Variants in SDF4 observed in about 807,000 individuals in gnomAD.
SDF4 encodes the protein stromal cell derived factor 4.
In SDF4, 22 loss-of-function variants were observed where a neutral mutation model predicts 34.2. The observed-to-expected ratio is 0.64, with a 90% confidence interval of 0.46 to 0.92. The LOEUF is 0.92. SDF4 is among the 40% of genes least tolerant of loss of function. SDF4 has a pLI of 0.00. For synonymous variants in SDF4, 236 were observed against 203.1 expected, an observed-to-expected ratio of 1.16 and a Z score of -1.38; for missense variants, 447 against 499.9, an observed-to-expected ratio of 0.89 and a Z score of 1.01.
rs140026025 is a variant in SDF4 at position 1,218,963 on chromosome 1, C to T, written c.557-36G>A. ...CGCAGCCTGTGGGTATCGAGGCCGA[C>T]AGACGCCAGCACGCAAATCCAGAAA... On this transcript the variant is annotated intron_variant, in intron 4 of 6. Coordinates refer to ENST00000360001, the MANE Select transcript of SDF4 (RefSeq NM_016176.6). The surrounding 1 kb of genome is among the most constrained non-coding windows in gnomAD (Gnocchi z 7.9). The T allele has an allele frequency of 9.9e-6, 16 of 1,612,378 alleles. No individual in the cohort carries two copies. In the African/African-American group the frequency reaches 1.6e-4, roughly 16 times the overall value.
At chr1:1,219,084 G>A in intron 4 of SDF4, 157 bp from the exon 5 acceptor site, 1 of 1,548,424 alleles carries the variant, frequency 6.5e-7, no homozygotes, top group Admixed American at 2.0e-5. Context: ...ACATGGCCCA[G>A]CCCCTAAGAC....
In SDF4 at chr1:1,217,807, G is replaced by A; in HGVS notation, c.892-119C>T. ...TGCAGCGGGAGTGTGGGCACGTTCT[G>A]GAAGGTTCCCGAAGGGAGGCGGCAC... On this transcript the variant is annotated intron_variant, in intron 6 of 6. Transcript: ENST00000360001. This position sits in a 1 kb window ranked among gnomAD's most constrained non-coding sequence, Gnocchi z 8.5. 5.1e-6 allele frequency: 8 copies of A among 1,571,872 alleles called. No individual in the cohort carries two copies. Among genetic ancestry groups the A allele is most frequent in the Non-Finnish European group, 6.9e-6 (8 of 1,160,966 alleles).
intron 1 of SDF4, among the ~76,000 whole-genome samples, chr1:1,229,664 C>G (rs756396041): frequency 3.9e-5 from 6 of 152,228 alleles, no homozygotes; most frequent in Non-Finnish European, 5.9e-5. Context: ...CTCCTGGCAT[C>G]ATGCCACTGA....
chr1:1,217,223 C>T lies in SDF4; in HGVS notation c.*289G>A, dbSNP rs1172397644. 1 of 169,042 alleles carries T rather than the reference C, an allele frequency of 5.9e-6. No homozygotes were observed. Among genetic ancestry groups the T allele is most frequent in the Admixed American group, 6.4e-5 (1 of 15,686 alleles). 10.5% of individuals were successfully genotyped at this position (169,042 alleles called of 1,614,324 possible). A position where few individuals can be genotyped will look rare whatever the true frequency, so the allele number is the denominator to read the frequency against. Reference sequence around the variant, plus strand: ...AGCGCCTTCGGCAGAGTGACTGAAGCGAGATTTCGTTCTCAGAAGTGAGAT... The same window carrying T: ...AGCGCCTTCGGCAGAGTGACTGAAGTGAGATTTCGTTCTCAGAAGTGAGAT... On this transcript the variant is annotated 3_prime_UTR_variant, in exon 7 of 7. Transcript: ENST00000360001. The surrounding 1 kb of genome is among the most constrained non-coding windows in gnomAD (Gnocchi z 8.5).
chr1:1,218,480 A>T lies in SDF4; in HGVS notation c.869T>A (p.Ile290Asn), dbSNP rs1557513569. The T allele has an allele frequency of 1.2e-6, 2 of 1,612,852 alleles. No individual in the cohort carries two copies. Among genetic ancestry groups the T allele is most frequent in the Non-Finnish European group, 1.7e-6 (2 of 1,179,870 alleles). ...EELIDSNHDG[I>N]VTAEELESYM... is the part of the protein sequence containing the mutation. ...CACCTCCAGCTCCTCGGCGGTCACG[A>T]TGCCGTCGTGGTTGGAGTCAATGAG... The change falls in exon 6 of 7, where the codon ATC becomes AAC. Residue 290 changes from isoleucine (I) to asparagine (N), a missense_variant. By Grantham distance (149) the Ile-to-Asn change is moderately radical (BLOSUM62 -3). Transcript: ENST00000360001. The surrounding 1 kb of genome is among the most constrained non-coding windows in gnomAD (Gnocchi z 7.9).
At position 1,218,872 on chromosome 1, in the gene SDF4, A is replaced by AG. The variant is rs770360085; in HGVS notation, c.611dup (p.Ala205CysfsTer39). 1.9e-6 allele frequency: 3 copies of AG among 1,598,614 alleles called. No individual in the cohort carries two copies. The highest frequency in any genetic ancestry group is 2.2e-5 in the East Asian group (1 of 44,586). On this transcript the variant is annotated frameshift_variant, in exon 5 of 7. Coordinates refer to ENST00000360001, the MANE Select transcript of SDF4 (RefSeq NM_016176.6). LOFTEE classifies it high-confidence loss of function. The surrounding 1 kb of genome is among the most constrained non-coding windows in gnomAD (Gnocchi z 7.9). ...CCTCCTCCGTCAGCAGCAGGTCTGC[A>AG]GGGGGGCTGTCCGCCTGGTACCAGC...
In SDF4 at chr1:1,217,621, T is replaced by G. The variant is rs1649597083; in HGVS notation, c.959A>C (p.Asp320Ala). The change falls in exon 7 of 7, where the codon GAC becomes GCC. Residue 320 changes from aspartate to alanine, a missense_variant. Transcript: ENST00000360001. This position sits in a 1 kb window ranked among gnomAD's most constrained non-coding sequence, Gnocchi z 8.5. ...CTCCAGGTGGTGGTTCTGGTTCTCG[T>G]CGGCGACGGCGATCATCTGCTTGGC... ...NEAKQMIAVA[D>A]ENQNHHLEPE... 6.2e-7 allele frequency: 1 copy of G among 1,613,618 alleles called. No homozygotes were observed. Among genetic ancestry groups the G allele is most frequent in the Non-Finnish European group, 8.5e-7 (1 of 1,179,930 alleles).
intron 2 of SDF4, among the ~76,000 whole-genome samples, chr1:1,225,721 G>A (rs971810917): frequency 5.0e-5 from 6 of 119,518 alleles, no homozygotes; most frequent in African/African-American, 1.4e-4. Flanking sequence ...CGCTCCACAC[G>A]CCACAGACAC....
Position 1,228,743 on chromosome 1 carries a change from G to A in SDF4, c.30C>T (p.Gly10=), listed in dbSNP as rs771878107. The change falls in exon 2 of 7, where the codon GGC becomes GGT. Residue 10 remains glycine, a synonymous_variant. Transcript: ENST00000360001. The part of the protein sequence containing the change: MASRWGPLI[G]LAPCCLWLLG... ...GGAGCCAGAGGCAGCACGGAGCCAG[G>A]CCAATGAGGGGACCCCACCTGGACG... is the stretch of plus-strand genomic sequence containing the variant. 1.9e-6 allele frequency: 3 copies of A among 1,611,968 alleles called. No individual in the cohort carries two copies. Among genetic ancestry groups the A allele is most frequent in the South Asian group, 2.2e-5 (2 of 91,044 alleles).
chr1:1,226,970 C>G (rs1638334136), intron 2 of SDF4, among the ~76,000 whole-genome samples: 1 of 152,180 alleles, frequency 6.6e-6, no homozygotes, highest in South Asian at 2.1e-4. Flanking sequence ...TTGGTCAGCT[C>G]ACCACCAAGT....
At chr1:1,231,101 G>A (rs1638478093) in intron 1 of SDF4, among the ~76,000 whole-genome samples, 2 of 152,202 alleles carry the variant, frequency 1.3e-5, no homozygotes, top group South Asian at 4.1e-4. Flanking sequence ...TCGAAAAAGG[G>A]GGAATAAAAA....
intron 4 of SDF4, chr1:1,220,392 C>A: frequency 8.6e-7 from 1 of 1,158,720 alleles, no homozygotes; most frequent in South Asian, 1.8e-5. Context: ...ACAGCAGCCC[C>A]CGGACTCACG....
intron 4 of SDF4, chr1:1,219,252 C>A: frequency 1.7e-6 from 2 of 1,196,500 alleles, no homozygotes. Context: ...TGACTCCCCA[C>A]AGACACAGCC....
At chr1:1,224,281 GTTTTA>G (rs112011543) in intron 2 of SDF4, among the ~76,000 whole-genome samples, 11,666 of 152,086 alleles carry the variant, frequency 0.077, 566 homozygotes, top group East Asian at 0.17. Context: ...CACTCTTCAC[GTTTTA>G]TTTTATTTTT....
chr1:1,223,806 CA>C, intron 3 of SDF4, 25 bp downstream of exon 3: 2 of 761,722 alleles, frequency 2.6e-6, no homozygotes, highest in Non-Finnish European at 4.3e-6. Flanking sequence ...CCCACCGCCC[CA>C]CCCACCCCGG....
At chr1:1,230,313 C>T (rs1638455482) in intron 1 of SDF4, among the ~76,000 whole-genome samples, 1 of 152,070 alleles carries the variant, frequency 6.6e-6, no homozygotes, top group South Asian at 2.1e-4. Flanking sequence ...TAATATTAAA[C>T]GAAAAAATGC....
chr1:1,231,546 G>A (rs1433209654), intron 1 of SDF4, among the ~76,000 whole-genome samples: 2 of 152,276 alleles, frequency 1.3e-5, no homozygotes, highest in South Asian at 2.1e-4. Context: ...CGGAAGCGCA[G>A]GCGCAGGGAA....
At position 1,217,745 on chromosome 1, in the gene SDF4, C is replaced by G; in HGVS notation, c.892-57G>C. The G allele has an allele frequency of 1.2e-6, 2 of 1,609,122 alleles. No individual in the cohort carries two copies. The highest frequency in any genetic ancestry group is 1.7e-6 in the Non-Finnish European group (2 of 1,178,340). The stretch of plus-strand genomic sequence containing the variant: ...CCTTTCCCCCTCCGAGCTCCGCGGC[C>G]AGCCGCACGAAGTGGCTATTTAAGG... On this transcript the variant is annotated intron_variant, in intron 6 of 6. Transcript: ENST00000360001. This position sits in a 1 kb window ranked among gnomAD's most constrained non-coding sequence, Gnocchi z 8.5.
chr1:1,220,987 G>A, intron 4 of SDF4: 13 of 353,868 alleles, frequency 3.7e-5, no homozygotes, highest in South Asian at 2.6e-4. Context: ...GGGCACTGGG[G>A]CTTGTGCCTG....
Sources: gnomAD v4.1 joint callset for allele counts (sites outside exome capture counted in the v4.1 genomes callset) on GRCh38, gnomAD v4.1.1 for gene constraint, Gnocchi (gnomAD v3.1) non-coding constraint, MANE v1.5 for transcripts, NCBI Gene and HGNC (gene_info 2026-07-23, HGNC 2026-07-21) for gene names.